The following TKFC variants were observed in gnomAD, a reference collection of about 807,000 sequenced individuals.
The protein encoded by TKFC is triokinase/FMN cyclase.
TKFC carries 46 observed loss-of-function variants against 61.0 expected under a neutral mutation model. That is an observed-to-expected ratio of 0.75 (90% CI 0.60 to 0.96). TKFC has a LOEUF of 0.96. Among genes scored for constraint, TKFC ranks in the 50% least tolerant of loss-of-function variants. The probability of loss-of-function intolerance (pLI) is 0.00; values close to 1 mark genes in which losing one functional copy is unlikely to be tolerated. For missense variants in TKFC, 715 were observed against 777.5 expected (o/e 0.92, Z 0.96); for synonymous variants, 314 against 330.1 (o/e 0.95, Z 0.53).
In TKFC at chr11:61,338,987, C is replaced by G. The variant is rs1043318978; in HGVS notation, c.194-79C>G. Reference sequence around the variant, plus strand: ...CACAGTAGGGCTCACCAAACCATGACCCCCGGAGTGTGGGAAGCCCCAGTG... The same window carrying G: ...CACAGTAGGGCTCACCAAACCATGAGCCCCGGAGTGTGGGAAGCCCCAGTG... On this transcript the variant is annotated intron_variant, in intron 3 of 17. Coordinates refer to ENST00000394900, the MANE Select transcript of TKFC (RefSeq NM_015533.4). 11 of 1,253,956 alleles carry G rather than the reference C, an allele frequency of 8.8e-6. No homozygotes were observed. The African/African-American group carries it at 1.6e-4, about 18-fold the overall frequency. 77.7% of individuals were successfully genotyped at this position (1,253,956 alleles called of 1,614,324 possible). A position where few individuals can be genotyped will look rare whatever the true frequency, so the allele number is the denominator to read the frequency against.
chr11:61,336,563 C>T (rs546930392), intron 2 of TKFC, among the ~76,000 whole-genome samples: 1 of 152,374 alleles, frequency 6.6e-6, no homozygotes, highest in Admixed American at 6.5e-5. Flanking sequence ...TGGGCATATA[C>T]TCTGTTCTAG....
chr11:61,342,759 C>T lies in TKFC; in HGVS notation c.780C>T (p.Ser260=), dbSNP rs1344920067. 6.2e-7 allele frequency: 1 copy of T among 1,614,040 alleles called. No individual in the cohort carries two copies. The highest frequency in any genetic ancestry group is 2.2e-5 in the East Asian group (1 of 44,878). ...NASHVPVQPG[S]SVVMMVNNLG... ...GGGTGTCATGTCTACCCGCAGGCTC[C>T]TCAGTTGTGATGATGGTCAACAACC... is the stretch of plus-strand genomic sequence containing the variant. The change falls in exon 10 of 18, where the codon TCC becomes TCT. Residue 260 remains serine (S), a synonymous_variant. Transcript: ENST00000394900.
At chr11:61,339,034 C>A (rs1236516438) in intron 3 of TKFC, 32 bp from the exon 4 acceptor site, 2 of 1,593,310 alleles carry the variant, frequency 1.3e-6, no homozygotes, top group East Asian at 2.2e-5. Flanking sequence ...GAGTCCCACC[C>A]AGCATGCTCA....
rs924535327 is a variant in TKFC at position 61,347,949 on chromosome 11, T to C, written c.*1446T>C. The stretch of plus-strand genomic sequence containing the variant: ...CCCCAGCCCCTCCCAGGTCATCTGC[T>C]CTACCACTAGCTGGTAGGAAAGAGC... On this transcript the variant is annotated 3_prime_UTR_variant, in exon 18 of 18. Coordinates refer to ENST00000394900, the MANE Select transcript of TKFC (RefSeq NM_015533.4). The C allele has an allele frequency of 1.0e-6, 1 of 985,166 alleles. No homozygotes were observed. Among genetic ancestry groups the C allele is most frequent in the African/African-American group, 1.7e-5 (1 of 57,186 alleles). 61.0% of individuals were successfully genotyped at this position (985,166 alleles called of 1,614,324 possible).
In TKFC at chr11:61,346,645, C is replaced by T. The variant is rs2135068386; in HGVS notation, c.*142C>T. 1.4e-6 allele frequency: 2 copies of T among 1,466,438 alleles called. No homozygotes were observed. Among genetic ancestry groups the T allele is most frequent in the East Asian group, 2.3e-5 (1 of 42,720 alleles). 90.8% of individuals were successfully genotyped at this position (1,466,438 alleles called of 1,614,324 possible). On this transcript the variant is annotated 3_prime_UTR_variant, in exon 18 of 18. Transcript: ENST00000394900. The surrounding 1 kb of genome is among the most constrained non-coding windows in gnomAD (Gnocchi z 4.1). Reference sequence around the variant, plus strand: ...CCCTCTAAGTTGAGCAGGAAATCCTCCACCAAGCTTCCAGAACTACAGACA... The same window carrying T: ...CCCTCTAAGTTGAGCAGGAAATCCTTCACCAAGCTTCCAGAACTACAGACA...
In TKFC at chr11:61,347,328, A is replaced by G. The variant is rs1857178315; in HGVS notation, c.*825A>G. On this transcript the variant is annotated 3_prime_UTR_variant, in exon 18 of 18. Coordinates refer to ENST00000394900, the MANE Select transcript of TKFC (RefSeq NM_015533.4). ...AGGCCAAGGCAGGCGGATCCCTTAC[A>G]CTCAGGAGTTCAAGACCAGTCTGGG... The G allele has an allele frequency of 1.0e-6, 1 of 953,774 alleles. No homozygotes were observed. Among genetic ancestry groups the G allele is most frequent in the South Asian group, 4.8e-5 (1 of 20,706 alleles). The allele number at this position is 953,774 out of a possible 1,614,324, so 59.1% of individuals were successfully genotyped here.
At chr11:61,353,308 AC>A, downstream of TKFC, 1 of 833,620 alleles carries the variant, frequency 1.2e-6, no homozygotes. Context: ...GTGGCCTATT[AC>A]CCAAGCAACA....
In TKFC at chr11:61,342,558, T is replaced by C. The variant is rs768045135; in HGVS notation, c.691-16T>C. ...AGGCCCCCCAGATGCAGCTCATTCCTGGCTCCCTCTGACAGATGGCAACCG... is the reference window on the plus strand; with the variant it reads ...AGGCCCCCCAGATGCAGCTCATTCCCGGCTCCCTCTGACAGATGGCAACCG... On this transcript the variant is annotated splice_polypyrimidine_tract_variant and intron_variant, in intron 8 of 17. Coordinates refer to ENST00000394900, the MANE Select transcript of TKFC (RefSeq NM_015533.4). The C allele has an allele frequency of 4.3e-6, 7 of 1,613,880 alleles. No individual in the cohort carries two copies. The Admixed American group carries it at 1.2e-4, about 27-fold the overall frequency.
downstream of TKFC, chr11:61,349,666 G>C (rs1857305184): frequency 4.3e-6 from 3 of 702,556 alleles, no homozygotes; most frequent in Non-Finnish European, 7.8e-6. Flanking sequence ...GAGCCGCACG[G>C]TCACAATACA....
Position 61,339,314 on chromosome 11 carries a change from G to T in TKFC, c.365G>T (p.Arg122Leu), listed in dbSNP as rs756033895. ...GATCGGCTCAACTTCGGCCTGGCCC[G>T]GGAGCAGGCCCGGGCTGAAGGCATC... The part of the protein sequence containing the change: ...TGDRLNFGLA[R>L]EQARAEGIPV... The change falls in exon 5 of 18, where the codon CGG becomes CTG. Residue 122 changes from arginine to leucine, a missense_variant. Transcript: ENST00000394900. 1 of 1,613,772 alleles carries T rather than the reference G, an allele frequency of 6.2e-7. No individual in the cohort carries two copies. Among genetic ancestry groups the T allele is most frequent in the Non-Finnish European group, 8.5e-7 (1 of 1,180,030 alleles).
Position 61,348,535 on chromosome 11 carries a change from A to AC in TKFC, c.*2037dup, listed in dbSNP as rs1857251221. On this transcript the variant is annotated 3_prime_UTR_variant, in exon 18 of 18. Coordinates refer to ENST00000394900, the MANE Select transcript of TKFC (RefSeq NM_015533.4). Reference sequence around the variant, plus strand: ...CCCAAATTCCTGTGTTGAAAGGCTCACCCCCACTATGGTAGTGTTAGGACG... The same window carrying AC: ...CCCAAATTCCTGTGTTGAAAGGCTCACCCCCCACTATGGTAGTGTTAGGACG... The AC allele has an allele frequency of 1.4e-5, 14 of 978,134 alleles. No individual in the cohort carries two copies. Among genetic ancestry groups the AC allele is most frequent in the Non-Finnish European group, 1.5e-5 (12 of 823,444 alleles). The allele number at this position is 978,134 out of a possible 1,614,324, so 60.6% of individuals were successfully genotyped here.
At chr11:61,350,161 CAGA>C, downstream of TKFC, 1 of 595,908 alleles carries the variant, frequency 1.7e-6, no homozygotes, top group Non-Finnish European at 3.0e-6. Context: ...CCAAGGAAAG[CAGA>C]CAGGCAGCAA....
chr11:61,352,055 A>G (rs988010660), downstream of TKFC: 5 of 152,204 alleles, frequency 3.3e-5, no homozygotes, highest in African/African-American at 1.2e-4. Flanking sequence ...ACCCATGAGG[A>G]AACTGAAGCT....
rs992598700 is a variant in TKFC, at chr11:61,346,705, T to C, written c.*202T>C. On this transcript the variant is annotated 3_prime_UTR_variant, in exon 18 of 18. Coordinates refer to ENST00000394900, the MANE Select transcript of TKFC (RefSeq NM_015533.4). This position sits in a 1 kb window ranked among gnomAD's most constrained non-coding sequence, Gnocchi z 4.1. ...GTGAGCTGGAGTGGGTCCCCATGCCTCTCCAGCATGCCCTTTCCCTTTGCA... is the reference window on the plus strand; with the variant it reads ...GTGAGCTGGAGTGGGTCCCCATGCCCCTCCAGCATGCCCTTTCCCTTTGCA... The C allele has an allele frequency of 1.1e-5, 15 of 1,361,330 alleles. No individual in the cohort carries two copies. In the African/African-American group the frequency reaches 2.0e-4, roughly 19 times the overall value. 84.3% of individuals were successfully genotyped at this position (1,361,330 alleles called of 1,614,324 possible). A position where few individuals can be genotyped will look rare whatever the true frequency, so the allele number is the denominator to read the frequency against.
At position 61,346,427 on chromosome 11, in the gene TKFC, G is replaced by T. The variant is rs148490477; in HGVS notation, c.1652G>T (p.Arg551Leu). The change falls in exon 18 of 18, where the codon CGG (arginine) becomes CTG (leucine). Residue 551 changes from arginine (R) to leucine (L), a missense_variant. By Grantham distance (102) the Arg-to-Leu change is moderately radical. Coordinates refer to ENST00000394900, the MANE Select transcript of TKFC (RefSeq NM_015533.4). This position sits in a 1 kb window ranked among gnomAD's most constrained non-coding sequence, Gnocchi z 4.1. ...AGRASYISSA[R>L]LEQPDPGAVA... ...AGAGCCAGTTATATCAGCTCAGCACGGCTGGAGCAGCCAGACCCCGGGGCG... is the reference window on the plus strand; with the variant it reads ...AGAGCCAGTTATATCAGCTCAGCACTGCTGGAGCAGCCAGACCCCGGGGCG... 1.9e-6 allele frequency: 3 copies of T among 1,611,884 alleles called. No individual in the cohort carries two copies. Among genetic ancestry groups the T allele is most frequent in the Admixed American group, 1.7e-5 (1 of 60,014 alleles).
chr11:61,335,929 G>C (rs1373288772), intron 2 of TKFC: 1 of 152,264 alleles, frequency 6.6e-6, no homozygotes, highest in East Asian at 1.9e-4. Context: ...CGAGTAGCTG[G>C]AATTACAGGC....
rs925227730 is a variant in TKFC at position 61,347,087 on chromosome 11, C to T, written c.*584C>T. 12 of 985,622 alleles carry T rather than the reference C, an allele frequency of 1.2e-5. No homozygotes were observed. The African/African-American group carries it at 2.1e-4, about 17-fold the overall frequency. The allele number at this position is 985,622 out of a possible 1,614,324, so 61.1% of individuals were successfully genotyped here. A position where few individuals can be genotyped will look rare whatever the true frequency, so the allele number is the denominator to read the frequency against. On this transcript the variant is annotated 3_prime_UTR_variant, in exon 18 of 18. Coordinates refer to ENST00000394900, the MANE Select transcript of TKFC (RefSeq NM_015533.4). ...GCTGCTTCCACTGAGACCCCCGACCCATCCCCTTTCCAGTACACACACCTG... is the reference window on the plus strand; with the variant it reads ...GCTGCTTCCACTGAGACCCCCGACCTATCCCCTTTCCAGTACACACACCTG...
chr11:61,346,114 A>T lies in TKFC; in HGVS notation c.1575+168A>T. ...AAGGTGGTTATGTGGCTAAGGAAAT[A>T]TGTAGAGCCCCGCACACTGCCTGGG... On this transcript the variant is annotated intron_variant, in intron 17 of 17. Coordinates refer to ENST00000394900, the MANE Select transcript of TKFC (RefSeq NM_015533.4). The surrounding 1 kb of genome is among the most constrained non-coding windows in gnomAD (Gnocchi z 4.1). 8.7e-7 allele frequency: 1 copy of T among 1,152,854 alleles called. No homozygotes were observed. The highest frequency in any genetic ancestry group is 1.2e-6 in the Non-Finnish European group (1 of 834,064). The allele number at this position is 1,152,854 out of a possible 1,614,324, so 71.4% of individuals were successfully genotyped here.
At chr11:61,352,958 T>C (rs752525604), downstream of TKFC, 24 of 1,614,070 alleles carry the variant, frequency 1.5e-5, no homozygotes, top group Non-Finnish European at 1.5e-5. Context: ...CTCTTCACCT[T>C]AGAGTTGGGG....
Sources: gnomAD v4.1 joint callset for allele counts (sites outside exome capture counted in the v4.1 genomes callset) on GRCh38, gnomAD v4.1.1 for gene constraint, Gnocchi (gnomAD v3.1) non-coding constraint, MANE v1.5 for transcripts, NCBI Gene and HGNC (gene_info 2026-07-23, HGNC 2026-07-21) for gene names.